Variants in CHST9 observed in about 807,000 individuals in gnomAD.
The protein encoded by CHST9 is carbohydrate sulfotransferase 9, also known as GalNAc-4-sulfotransferase 2.
In CHST9, 41 loss-of-function variants were observed where a neutral mutation model predicts 44.4. The ratio of observed to expected loss-of-function variants is 0.92; its 90% CI spans 0.72 to 1.20. CHST9 has a LOEUF of 1.20. Among genes scored for constraint, CHST9 ranks in the 50% most tolerant of loss-of-function variants. The probability of loss-of-function intolerance (pLI) is 0.00; values close to 1 mark genes in which losing one functional copy is unlikely to be tolerated. For synonymous variants in CHST9, 171 were observed against 178.4 expected (o/e 0.96, Z 0.33); for missense variants, 504 against 516.5 (o/e 0.98, Z 0.23).
At chr18:27,165,232 T>C (rs1454775514) in intron 1 of CHST9, among the ~76,000 whole-genome samples, 1 of 152,108 alleles carries the variant, frequency 6.6e-6, no homozygotes, top group Non-Finnish European at 1.5e-5. Context: ...CTTGGATAAG[T>C]GATACAAACT....
Position 26,917,153 on chromosome 18 carries a change from G to A in CHST9, c.438C>T (p.Phe146=), listed in dbSNP as rs1450887395. The A allele has an allele frequency of 2.5e-6, 4 of 1,613,878 alleles. No individual in the cohort carries two copies. In the Admixed American group the frequency reaches 6.7e-5, roughly 27 times the overall value. ...TGTCCACTGGCCAATTCATGTTGCT[G>A]AACTTGTTAAAAACAGTCTTAGCTC... ...RQGAKTVFNK[F]SNMNWPVDIH... The change falls in exon 6 of 6, where the codon TTC becomes TTT. Residue 146 remains phenylalanine (F), a synonymous_variant. Transcript: ENST00000618847.
intron 1 of CHST9, among the ~76,000 whole-genome samples, chr18:27,182,221 T>A (rs2058917860): frequency 6.6e-6 from 1 of 152,210 alleles, no homozygotes; most frequent in South Asian, 2.1e-4. Flanking sequence ...AAATAAGATG[T>A]AACATGTTCT....
At chr18:27,110,059 GT>G (rs1229216459) in intron 2 of CHST9, among the ~76,000 whole-genome samples, 1 of 151,866 alleles carries the variant, frequency 6.6e-6, no homozygotes, top group Non-Finnish European at 1.5e-5. Flanking sequence ...TTGTCTCAGG[GT>G]TTCAACACAT....
chr18:27,157,863 ATAAT>A (rs1306658331), intron 1 of CHST9, among the ~76,000 whole-genome samples: 6 of 152,138 alleles, frequency 3.9e-5, no homozygotes, highest in African/African-American at 1.4e-4. Context: ...AAAATTATAA[ATAAT>A]TAGTGATAAT....
At chr18:27,018,346 G>A (rs1450615682) in intron 4 of CHST9, among the ~76,000 whole-genome samples, 5 of 152,150 alleles carry the variant, frequency 3.3e-5, no homozygotes, top group African/African-American at 1.2e-4. Context: ...CTGGTACCAG[G>A]AAAATATTTA....
chr18:26,908,439 G>A lies in CHST9; in HGVS notation c.*7820C>T, dbSNP rs2055397368. 1.3e-5 allele frequency: 2 copies of A among 151,824 alleles called. No homozygotes were observed. Among genetic ancestry groups the A allele is most frequent in the Admixed American group, 1.3e-4 (2 of 15,222 alleles). The allele number at this position is 151,824 out of a possible 1,614,324, so 9.4% of individuals were successfully genotyped here. A position where few individuals can be genotyped will look rare whatever the true frequency, so the allele number is the denominator to read the frequency against. ...TCTCAAAAAAAAAAATAGGTAAGATGGGGAGGGATAGGAAAATATTCATTA... is the reference window on the plus strand; with the variant it reads ...TCTCAAAAAAAAAAATAGGTAAGATAGGGAGGGATAGGAAAATATTCATTA... On this transcript the variant is annotated 3_prime_UTR_variant, in exon 6 of 6. Transcript: ENST00000618847.
intron 2 of CHST9, among the ~76,000 whole-genome samples, chr18:27,100,318 A>G (rs868004385): frequency 2.6e-5 from 4 of 152,270 alleles, no homozygotes; most frequent in Middle Eastern, 3.4e-3. Flanking sequence ...TATGCTCAGT[A>G]TCTGGGTGAT....
chr18:27,154,131 G>C (rs2058680531), intron 1 of CHST9, among the ~76,000 whole-genome samples: 1 of 151,840 alleles, frequency 6.6e-6, no homozygotes, highest in African/African-American at 2.4e-5. Flanking sequence ...GCAATTTTAA[G>C]GTATAGTGAG....
At chr18:27,136,575 T>G (rs1447816126) in intron 2 of CHST9, among the ~76,000 whole-genome samples, 1 of 152,230 alleles carries the variant, frequency 6.6e-6, no homozygotes, top group African/African-American at 2.4e-5. Context: ...TCAGTTTTCT[T>G]GTCTTGAAAA....
chr18:26,994,386 G>T (rs1404878098), intron 4 of CHST9, among the ~76,000 whole-genome samples: 1 of 152,158 alleles, frequency 6.6e-6, no homozygotes, highest in Non-Finnish European at 1.5e-5. Context: ...GTGTGTGTGT[G>T]ACAGAGAGAA....
intron 4 of CHST9, among the ~76,000 whole-genome samples, chr18:26,978,050 G>A (rs2056644945): frequency 6.6e-6 from 1 of 151,720 alleles, no homozygotes; most frequent in Non-Finnish European, 1.5e-5. Flanking sequence ...AATAAGACAT[G>A]CTTTGATGAT....
intron 4 of CHST9, among the ~76,000 whole-genome samples, chr18:26,950,765 TACCGTG>T (rs370152573): frequency 6.6e-6 from 1 of 152,120 alleles, no homozygotes. Context: ...ACATATGGGG[TACCGTG>T]CACACTGCTT....
At chr18:27,061,569 A>G (rs1382352163) in intron 2 of CHST9, among the ~76,000 whole-genome samples, 2 of 152,184 alleles carry the variant, frequency 1.3e-5, no homozygotes, top group African/African-American at 4.8e-5. Context: ...CTGGGATGCC[A>G]GAATTCTCTG....
chr18:27,024,096 A>G lies in CHST9; in HGVS notation c.202+20T>C. ...ATCTATAACTACCCAAGATTCAAACATTATGAGGAAGTTACTCACTGATTC... is the reference window on the plus strand; with the variant it reads ...ATCTATAACTACCCAAGATTCAAACGTTATGAGGAAGTTACTCACTGATTC... On this transcript the variant is annotated intron_variant, in intron 4 of 5. Transcript: ENST00000618847. 1 of 1,610,238 alleles carries G rather than the reference A, an allele frequency of 6.2e-7. No homozygotes were observed. The highest frequency in any genetic ancestry group is 8.5e-7 in the Non-Finnish European group (1 of 1,177,492).
At chr18:27,122,598 C>T (rs2058383991) in intron 2 of CHST9, among the ~76,000 whole-genome samples, 1 of 152,142 alleles carries the variant, frequency 6.6e-6, no homozygotes. Flanking sequence ...TGTAATTATC[C>T]ATTCAACTTA....
chr18:27,036,950 G>A (rs2057396245), intron 3 of CHST9, among the ~76,000 whole-genome samples: 1 of 152,062 alleles, frequency 6.6e-6, no homozygotes, highest in South Asian at 2.1e-4. Flanking sequence ...CTATATTTTT[G>A]TTGGTTGAAA....
At chr18:27,127,132 G>T (rs1236468750) in intron 2 of CHST9, among the ~76,000 whole-genome samples, 3 of 152,084 alleles carry the variant, frequency 2.0e-5, no homozygotes. Context: ...AAGTATAGAT[G>T]CCCAGGGAAC....
At chr18:27,148,635 A>T (rs2058634885) in intron 1 of CHST9, among the ~76,000 whole-genome samples, 1 of 150,252 alleles carries the variant, frequency 6.7e-6, no homozygotes, top group Non-Finnish European at 1.5e-5. Context: ...TATGTGCCAC[A>T]TTTTCTTAAT....
intron 5 of CHST9, among the ~76,000 whole-genome samples, chr18:26,929,611 G>T (rs530258000): frequency 1.3e-5 from 2 of 152,308 alleles, no homozygotes; most frequent in South Asian, 4.1e-4. Flanking sequence ...GTATCCATAG[G>T]CCAGTGAGCA....
Sources: allele counts gnomAD v4.1 joint callset (sites outside exome capture counted in the v4.1 genomes callset), GRCh38; gene constraint gnomAD v4.1.1; transcripts MANE v1.5; gene names NCBI Gene and HGNC (gene_info 2026-07-23, HGNC 2026-07-21).